GYG1: variants seen among roughly 807,000 people sequenced by gnomAD.
The protein encoded by GYG1 is glycogenin-1.
Under a neutral mutation model 41.9 loss-of-function variants are expected in GYG1, and 44 were observed. The ratio of observed to expected loss-of-function variants is 1.05; its 90% CI spans 0.83 to 1.35. The LOEUF is 1.35. Among genes scored for constraint, GYG1 ranks in the 40% most tolerant of loss-of-function variants. The pLI is 0.00. For missense variants in GYG1, 429 were observed against 418.9 expected (o/e 1.02, Z -0.21); for synonymous variants, 141 against 158.1 (o/e 0.89, Z 0.81).
rs572783178 is a variant in GYG1, at chr3:149,017,832, C to T, written c.609-6221C>T. On this transcript the variant is annotated intron_variant, in intron 5 of 7. Coordinates refer to ENST00000345003, the MANE Select transcript of GYG1 (RefSeq NM_004130.4). Reference sequence around the variant, plus strand: ...TTCACTGTGTTGCCCACGCTGGTCTCGCACTCCTGAACTCAGGCAATTCTC... The same window carrying T: ...TTCACTGTGTTGCCCACGCTGGTCTTGCACTCCTGAACTCAGGCAATTCTC... Among the ~76,000 whole-genome samples, 8 of 150,344 alleles carry T rather than the reference C, an allele frequency of 5.3e-5. No homozygotes were observed. The South Asian group carries it at 1.7e-3, about 32-fold the overall frequency.
Position 148,994,200 on chromosome 3 carries a change from G to A in GYG1, c.66G>A (p.Leu22=), listed in dbSNP as rs1234846583. The A allele has an allele frequency of 6.8e-6, 11 of 1,613,760 alleles. No homozygotes were observed. The highest frequency in any genetic ancestry group is 1.6e-4 in the Middle Eastern group (1 of 6,084). Residue 22 remains leucine (L), a synonymous_variant, in exon 2 of 8, where the codon CTG becomes CTA. Transcript: ENST00000345003. ...CCTACGCCAAAGGTGCCCTGGTCCT[G>A]GGATCATCTCTGAAACAGCACAGGA... The part of the protein sequence containing the change: ...NDAYAKGALV[L]GSSLKQHRTT...
Position 149,026,887 on chromosome 3 carries a change from AT to A in GYG1, c.1009del (p.Ser337ProfsTer34). ...GGCCAGGCTGATTATATGGGAGCAG[AT>A]TCCTTTGACAACATCAAGAGGAAAC... ...EQGQADYMGADSFDNIKRKLD... is the reference protein window; with the variant it reads ...EQGQADYMGAXSFDNIKRKLD... On this transcript the variant is annotated frameshift_variant, in exon 8 of 8. Transcript: ENST00000345003. LOFTEE classifies it high-confidence loss of function. 6.2e-7 allele frequency: 1 copy of A among 1,613,750 alleles called. No homozygotes were observed. The highest frequency in any genetic ancestry group is 8.5e-7 in the Non-Finnish European group (1 of 1,179,614).
chr3:148,996,378 T>A lies in GYG1; in HGVS notation c.220T>A (p.Leu74Ile). The change falls in exon 3 of 8, where the codon TTA becomes ATA. Residue 74 changes from leucine (L) to isoleucine (I), a missense_variant. Transcript: ENST00000345003. Reference protein sequence around the residue: ...LDSGDSAHLTLMKRPELGVTL... With the variant: ...LDSGDSAHLTIMKRPELGVTL... Reference sequence around the variant, plus strand: ...CAGTGGCGATTCTGCTCATCTAACCTTAATGAAGAGGCCAGAGTTGGGTGT... The same window carrying A: ...CAGTGGCGATTCTGCTCATCTAACCATAATGAAGAGGCCAGAGTTGGGTGT... 1.2e-6 allele frequency: 2 copies of A among 1,612,648 alleles called. No individual in the cohort carries two copies. The highest frequency in any genetic ancestry group is 1.7e-6 in the Non-Finnish European group (2 of 1,179,390).
chr3:149,025,893 C>G (rs531644537), intron 6 of GYG1, among the ~76,000 whole-genome samples: 95 of 152,206 alleles, frequency 6.2e-4, no homozygotes, highest in African/African-American at 2.2e-3. Flanking sequence ...AGGGGCCTCT[C>G]TTTTAGGGTG....
Position 149,031,514 on chromosome 3 carries a change from A to G in GYG1, c.*4581A>G, listed in dbSNP as rs1249554987. ...GGTTTGCCTCTCACTCCCACAGACT[A>G]TATTTATACCTCAGACACAGCAAGT... is the stretch of plus-strand genomic sequence containing the variant. On this transcript the variant is annotated 3_prime_UTR_variant, in exon 8 of 8. Coordinates refer to ENST00000345003, the MANE Select transcript of GYG1 (RefSeq NM_004130.4). The G allele has an allele frequency of 6.6e-6, 1 of 152,630 alleles. No individual in the cohort carries two copies. Among genetic ancestry groups the G allele is most frequent in the Non-Finnish European group, 1.5e-5 (1 of 68,026 alleles). The allele number at this position is 152,630 out of a possible 1,614,324, so 9.5% of individuals were successfully genotyped here.
At position 149,028,705 on chromosome 3, in the gene GYG1, A is replaced by ATTTTTTTTTTTTTTTT; in HGVS notation, c.*1780_*1795dup. 7.5e-6 allele frequency among the ~76,000 whole-genome samples: 1 copy of ATTTTTTTTTTTTTTTT among 133,720 alleles called. No individual in the cohort carries two copies. The highest frequency in any genetic ancestry group is 1.6e-5 in the Non-Finnish European group (1 of 63,392). The allele number at this position is 133,720 out of a possible 152,430, so 87.7% of individuals were successfully genotyped here. On this transcript the variant is annotated 3_prime_UTR_variant, in exon 8 of 8. Transcript: ENST00000345003. The stretch of plus-strand genomic sequence containing the variant: ...GGTGGAAAAGCTGACATAGTTTTAA[A>ATTTTTTTTTTTTTTTT]TTTTTTTTTTTTTTTTTTTTTTTCT...
chr3:148,996,353 C>T lies in GYG1; in HGVS notation c.195C>T (p.Asp65=). 1.2e-6 allele frequency: 2 copies of T among 1,611,850 alleles called. No homozygotes were observed. The highest frequency in any genetic ancestry group is 2.2e-5 in the South Asian group (2 of 91,002). ...AAGTCATCATGGTAGATGTCTTGGA[C>T]AGTGGCGATTCTGCTCATCTAACCT... ...FDEVIMVDVL[D]SGDSAHLTLM... The change falls in exon 3 of 8, where the codon GAC becomes GAT. Residue 65 remains aspartate (D), a synonymous_variant. Coordinates refer to ENST00000345003, the MANE Select transcript of GYG1 (RefSeq NM_004130.4).
chr3:149,018,437 A>C (rs1714188044), intron 5 of GYG1, among the ~76,000 whole-genome samples: 1 of 152,188 alleles, frequency 6.6e-6, no homozygotes, highest in East Asian at 1.9e-4. Flanking sequence ...CGGTCCAGGC[A>C]GAGATCCCTC....
intron 5 of GYG1, among the ~76,000 whole-genome samples, chr3:149,015,296 G>A (rs550067214): frequency 1.3e-5 from 2 of 152,320 alleles, no homozygotes; most frequent in East Asian, 3.9e-4. Flanking sequence ...GCTCCAGAGA[G>A]AAGTCTGGAA....
intron 5 of GYG1, among the ~76,000 whole-genome samples, chr3:149,017,582 GTTTTTTTT>G (rs58075146): frequency 6.7e-3 from 315 of 47,298 alleles, no homozygotes; most frequent in Middle Eastern, 0.025. Context: ...TTTTATTTAG[GTTTTTTTT>G]TTTTTTTTTT....
chr3:149,010,659 T>C lies in GYG1; in HGVS notation c.608+1257T>C, dbSNP rs112531774. Among the ~76,000 whole-genome samples, 233 of 152,280 alleles carry C rather than the reference T, an allele frequency of 1.5e-3. 3 individuals carry two copies. Among genetic ancestry groups the C allele is most frequent in the African/African-American group, 5.1e-3 (213 of 41,554 alleles). On this transcript the variant is annotated intron_variant, in intron 5 of 7. Coordinates refer to ENST00000345003, the MANE Select transcript of GYG1 (RefSeq NM_004130.4). ...CAGTTCTGATACACCTTACAACTAA[T>C]ACAGCCTTGCTGCACTGTTTATCTC...
rs1050618944 is a variant in GYG1, at chr3:149,028,062, G to A, written c.*1129G>A. ...TTGTAAGAGATGGCAAGCTAAAGAA[G>A]GGTAGGATCCAAGATGACCTTTTAA... On this transcript the variant is annotated 3_prime_UTR_variant, in exon 8 of 8. Coordinates refer to ENST00000345003, the MANE Select transcript of GYG1 (RefSeq NM_004130.4). Among the ~76,000 whole-genome samples the A allele has an allele frequency of 1.3e-5, 2 of 152,190 alleles. No individual in the cohort carries two copies. Among genetic ancestry groups the A allele is most frequent in the African/African-American group, 4.8e-5 (2 of 41,450 alleles).
intron 7 of GYG1, 115 bp from the exon 8 acceptor site, chr3:149,026,645 G>C: frequency 9.9e-7 from 1 of 1,011,122 alleles, no homozygotes; most frequent in East Asian, 2.4e-5. Context: ...ATACTTTTCA[G>C]TTTTTGCTAC....
At chr3:149,026,736 A>G in intron 7 of GYG1, 24 bp from the exon 8 acceptor site, 1 of 1,478,822 alleles carries the variant, frequency 6.8e-7, no homozygotes, top group Non-Finnish European at 9.5e-7. Flanking sequence ...GCTCTCATAG[A>G]GTCAATTATG....
chr3:149,016,596 G>T (rs563468440), intron 5 of GYG1, among the ~76,000 whole-genome samples: 1 of 152,268 alleles, frequency 6.6e-6, no homozygotes, highest in East Asian at 1.9e-4. Flanking sequence ...GGGTATTATT[G>T]GGAGGATTAG....
intron 4 of GYG1, among the ~76,000 whole-genome samples, chr3:149,006,080 C>CTTTTTTTTTT (rs34268321): frequency 6.0e-5 from 7 of 117,210 alleles, no homozygotes; most frequent in Admixed American, 9.5e-5. Flanking sequence ...TCATCATATT[C>CTTTTTTTTTT]TTTTTTTTTT....
chr3:149,022,531 C>CT (rs1714430376), intron 5 of GYG1, among the ~76,000 whole-genome samples: 1 of 50,742 alleles, frequency 2.0e-5, no homozygotes, highest in Admixed American at 3.1e-4. Flanking sequence ...TGGAGTCTCA[C>CT]TGTCACCAGG....
At chr3:149,001,126 C>T (rs1713069921) in intron 4 of GYG1, 1 of 152,156 alleles carries the variant, frequency 6.6e-6, no homozygotes, top group Non-Finnish European at 1.5e-5. Context: ...TGGTACTTGT[C>T]CAAACCAAAT....
chr3:148,994,180 G>GC lies in GYG1; in HGVS notation c.48dup (p.Lys17GlnfsTer40). 1.9e-6 allele frequency: 3 copies of GC among 1,613,466 alleles called. No homozygotes were observed. Among genetic ancestry groups the GC allele is most frequent in the Non-Finnish European group, 2.5e-6 (3 of 1,179,732 alleles). ...GACACTAACCACAAACGATGCCTAC[G>GC]CCAAAGGTGCCCTGGTCCTGGGATC... On this transcript the variant is annotated frameshift_variant, in exon 2 of 8. Transcript: ENST00000345003. LOFTEE classifies it high-confidence loss of function.
Sources: allele counts gnomAD v4.1 joint callset (sites outside exome capture counted in the v4.1 genomes callset), GRCh38; gene constraint gnomAD v4.1.1; transcripts MANE v1.5; gene names NCBI Gene and HGNC (gene_info 2026-07-23, HGNC 2026-07-21).